Variants in VPS13B observed in about 807,000 individuals in gnomAD.
VPS13B encodes the protein intermembrane lipid transfer protein VPS13B.
VPS13B carries 285 observed loss-of-function variants against 426.4 expected under a neutral mutation model. That is an observed-to-expected ratio of 0.67 (90% CI 0.61 to 0.74). The LOEUF is 0.74. Among genes scored for constraint, VPS13B ranks in the 30% least tolerant of loss-of-function variants. VPS13B has a pLI of 0.00. For missense variants in VPS13B, 4,537 were observed against 4,782.6 expected (o/e 0.95, Z 1.51); for synonymous variants, 1,676 against 1,676.4 (o/e 1.00, Z 0.01).
chr8:99,279,344 C>G (rs1017221305), intron 19 of VPS13B, among the ~76,000 whole-genome samples: 1 of 151,990 alleles, frequency 6.6e-6, no homozygotes, highest in African/African-American at 2.4e-5. Context: ...GCAGTGGGCG[C>G]GATCTCAGCT....
chr8:99,442,328 T>A, intron 22 of VPS13B, 73 bp from the exon 23 acceptor site: 1 of 1,305,052 alleles, frequency 7.7e-7, no homozygotes, highest in Non-Finnish European at 1.1e-6. Context: ...TTGTTTATTC[T>A]GGCGAAGATG....
At chr8:99,389,692 A>G (rs1342649864) in intron 20 of VPS13B, 1 of 152,212 alleles carries the variant, frequency 6.6e-6, no homozygotes, top group African/African-American at 2.4e-5. Flanking sequence ...CTTGTCTCAG[A>G]AGTGGCAGAG....
At chr8:99,801,970 CA>C (rs1250955378) in intron 43 of VPS13B, among the ~76,000 whole-genome samples, 7 of 151,918 alleles carry the variant, frequency 4.6e-5, no homozygotes, top group African/African-American at 1.7e-4. Context: ...GGCAACACGG[CA>C]AAACACTATC....
At chr8:99,091,991 GA>G (rs1473225829) in intron 3 of VPS13B, 2 of 152,146 alleles carry the variant, frequency 1.3e-5, no homozygotes, top group African/African-American at 4.8e-5. Context: ...TGTAGTTTTA[GA>G]CAAGGACTTC....
intron 33 of VPS13B, among the ~76,000 whole-genome samples, chr8:99,596,466 G>A (rs1799977205): frequency 6.6e-6 from 1 of 151,920 alleles, no homozygotes; most frequent in African/African-American, 2.4e-5. Flanking sequence ...GTCTAAGACT[G>A]GTATAGTGGC....
intron 31 of VPS13B, among the ~76,000 whole-genome samples, chr8:99,563,635 G>T (rs1255399251): frequency 6.6e-6 from 1 of 152,200 alleles, no homozygotes; most frequent in East Asian, 1.9e-4. Flanking sequence ...GGTGCCTGCA[G>T]AGTAGAGGGA....
Position 99,501,775 on chromosome 8 carries a change from G to A in VPS13B, c.3959G>A (p.Gly1320Glu), listed in dbSNP as rs1391895416. The A allele has an allele frequency of 6.2e-7, 1 of 1,614,058 alleles. No homozygotes were observed. Among genetic ancestry groups the A allele is most frequent in the South Asian group, 1.1e-5 (1 of 91,080 alleles). Residue 1320 changes from glycine to glutamate, a missense_variant, in exon 26 of 62, where the codon GGA becomes GAA. Gly to Glu is a moderately conservative substitution (Grantham distance 98). Coordinates refer to ENST00000357162, the MANE Select transcript of VPS13B (RefSeq NM_152564.5). ...QTTSNIGGTSGRVSLWMQWVL... is the reference protein window; with the variant it reads ...QTTSNIGGTSERVSLWMQWVL... ...ACAAGTAATATTGGAGGAACCAGTGGACGTGTTAGTTTATGGATGCAGTGG... is the reference window on the plus strand; with the variant it reads ...ACAAGTAATATTGGAGGAACCAGTGAACGTGTTAGTTTATGGATGCAGTGG...
chr8:99,142,484 A>AG (rs1421894943), intron 12 of VPS13B, among the ~76,000 whole-genome samples: 1 of 152,182 alleles, frequency 6.6e-6, no homozygotes, highest in Non-Finnish European at 1.5e-5. Context: ...AATCTATTCT[A>AG]GAAAAAGTTC....
chr8:99,228,429 A>C (rs1816136848), intron 17 of VPS13B, among the ~76,000 whole-genome samples: 2 of 152,232 alleles, frequency 1.3e-5, no homozygotes, highest in African/African-American at 4.8e-5. Context: ...TAAAAAATTT[A>C]AAACGAATAG....
chr8:99,322,852 C>A (rs932278245), intron 19 of VPS13B, among the ~76,000 whole-genome samples: 3 of 152,158 alleles, frequency 2.0e-5, no homozygotes, highest in African/African-American at 7.2e-5. Flanking sequence ...TTCTTAAACA[C>A]GATTGTCTTA....
chr8:99,234,544 T>G (rs1403685975), intron 17 of VPS13B: 3 of 457,674 alleles, frequency 6.6e-6, no homozygotes, highest in Non-Finnish European at 4.3e-6. Flanking sequence ...GCCGCAGGGC[T>G]GGGGTTCGGG....
chr8:99,087,132 T>C (rs929389162), intron 3 of VPS13B, among the ~76,000 whole-genome samples: 5 of 152,204 alleles, frequency 3.3e-5, no homozygotes, highest in Non-Finnish European at 7.3e-5. Flanking sequence ...CCGCTTTGTT[T>C]ACCTACTCAT....
At chr8:99,819,387 C>G (rs746635869) in intron 47 of VPS13B, 25 bp from the exon 48 acceptor site, 67 of 1,611,110 alleles carry the variant, frequency 4.2e-5, no homozygotes, top group Non-Finnish European at 4.2e-5. Context: ...GATAATTATT[C>G]TTGGTTTTTA....
At chr8:99,086,809 C>A (rs957347079) in intron 3 of VPS13B, among the ~76,000 whole-genome samples, 19 of 152,276 alleles carry the variant, frequency 1.2e-4, no homozygotes, top group Non-Finnish European at 2.5e-4. Flanking sequence ...CCTGATTGTT[C>A]CTCTGGAAGC....
intron 19 of VPS13B, among the ~76,000 whole-genome samples, chr8:99,287,081 A>G (rs1819481484): frequency 6.6e-6 from 1 of 152,132 alleles, no homozygotes; most frequent in East Asian, 1.9e-4. Context: ...AAGTAAATAA[A>G]TAAAATATTC....
At chr8:99,304,932 C>T (rs1820557854) in intron 19 of VPS13B, among the ~76,000 whole-genome samples, 1 of 152,102 alleles carries the variant, frequency 6.6e-6, no homozygotes, top group Admixed American at 6.6e-5. Flanking sequence ...ACATGAGCCT[C>T]ATATTGTGTG....
intron 39 of VPS13B, among the ~76,000 whole-genome samples, chr8:99,761,751 G>A (rs192225649): frequency 6.6e-6 from 1 of 152,116 alleles, no homozygotes; most frequent in East Asian, 1.9e-4. Flanking sequence ...TCTTTTGGGT[G>A]GATGATAGGC....
At chr8:99,696,363 C>T (rs1164873157) in intron 35 of VPS13B, 1 of 297,934 alleles carries the variant, frequency 3.4e-6, no homozygotes, top group Non-Finnish European at 6.6e-6. Context: ...ACTGCCTTGG[C>T]TTCTGCCTGC....
chr8:99,723,511 T>G (rs1301750894), intron 39 of VPS13B, among the ~76,000 whole-genome samples: 1 of 152,160 alleles, frequency 6.6e-6, no homozygotes, highest in African/African-American at 2.4e-5. Flanking sequence ...CCAACACTTC[T>G]GGTCCCTAGC....
Sources: gnomAD v4.1 joint callset for allele counts (sites outside exome capture counted in the v4.1 genomes callset) on GRCh38, gnomAD v4.1.1 for gene constraint, MANE v1.5 for transcripts, NCBI Gene and HGNC (gene_info 2026-07-23, HGNC 2026-07-21) for gene names.